The following STEAP1B variants were observed in gnomAD, a reference collection of about 807,000 sequenced individuals.
The protein encoded by STEAP1B is STEAP family protein MGC87042.
STEAP1B carries 13 observed loss-of-function variants against 27.9 expected under a neutral mutation model. That is an observed-to-expected ratio of 0.47 (90% CI 0.30 to 0.74). The LOEUF (loss-of-function observed/expected upper bound fraction) is 0.74, where lower values mean the gene tolerates loss of function less well. Among genes scored for constraint, STEAP1B ranks in the 30% least tolerant of loss-of-function variants. The probability of loss-of-function intolerance (pLI) is 0.06; values close to 1 mark genes in which losing one functional copy is unlikely to be tolerated. For synonymous variants in STEAP1B, 86 were observed against 107.1 expected, an observed-to-expected ratio of 0.80 and a Z score of 1.22; for missense variants, 250 against 298.7, an observed-to-expected ratio of 0.84 and a Z score of 1.20.
intron 4 of STEAP1B, among the ~76,000 whole-genome samples, chr7:22,440,081 A>T (rs1583632529): frequency 6.6e-6 from 1 of 152,190 alleles, no homozygotes; most frequent in East Asian, 1.9e-4. Context: ...TTGATAAATT[A>T]TTCAATAAAT....
At chr7:22,432,010 C>T (rs1377357019) in intron 4 of STEAP1B, among the ~76,000 whole-genome samples, 2 of 152,168 alleles carry the variant, frequency 1.3e-5, no homozygotes, top group African/African-American at 2.4e-5. Flanking sequence ...GAAATCTTCA[C>T]CTCCAAGGCG....
intron 4 of STEAP1B, among the ~76,000 whole-genome samples, chr7:22,466,721 C>T (rs763913458): frequency 2.6e-5 from 4 of 152,182 alleles, no homozygotes; most frequent in Non-Finnish European, 5.9e-5. Flanking sequence ...TCCAGGGAAG[C>T]AAAACATGAT....
intron 4 of STEAP1B, among the ~76,000 whole-genome samples, chr7:22,489,913 A>G (rs1301423250): frequency 7.2e-5 from 11 of 152,166 alleles, no homozygotes; most frequent in Non-Finnish European, 1.6e-4. Context: ...TTTTATAATC[A>G]GGAAAAAAGC....
chr7:22,456,972 A>ATATATATTTTTTTTTTTTTTT lies in STEAP1B; in HGVS notation c.762+35592_762+35593insAAAAAAAAAAAAAAATATATA. Among the ~76,000 whole-genome samples, 14 of 57,044 alleles carry ATATATATTTTTTTTTTTTTTT rather than the reference A, an allele frequency of 2.5e-4. No individual in the cohort carries two copies. In the East Asian group the frequency reaches 0.012, roughly 47 times the overall value. The allele number at this position is 57,044 out of a possible 152,430, so 37.4% of individuals were successfully genotyped here. A position where few individuals can be genotyped will look rare whatever the true frequency, so the allele number is the denominator to read the frequency against. ...GGCAGCTATATATATATATATATAT[A>ATATATATTTTTTTTTTTTTTT]TTTTTTTTTTTTTTAAGTATCCTGG... On this transcript the variant is annotated intron_variant, in intron 4 of 4. Coordinates refer to ENST00000678116, the MANE Select transcript of STEAP1B (RefSeq NM_001382447.1).
In STEAP1B at chr7:22,456,970, ATATTT is replaced by A. The variant is rs974034033; in HGVS notation, c.762+35590_762+35594del. ...TAGGCAGCTATATATATATATATAT[ATATTT>A]TTTTTTTTTTTAAGTATCCTGGGTG... On this transcript the variant is annotated intron_variant, in intron 4 of 4. Coordinates refer to ENST00000678116, the MANE Select transcript of STEAP1B (RefSeq NM_001382447.1). Among the ~76,000 whole-genome samples, 60 of 26,176 alleles carry A rather than the reference ATATTT, an allele frequency of 2.3e-3. 3 individuals carry two copies. The highest frequency in any genetic ancestry group is 5.2e-3 in the African/African-American group (48 of 9,282). The allele number at this position is 26,176 out of a possible 152,430, so 17.2% of individuals were successfully genotyped here. A position where few individuals can be genotyped will look rare whatever the true frequency, so the allele number is the denominator to read the frequency against.
At chr7:22,454,480 C>G (rs1785540142) in intron 4 of STEAP1B, among the ~76,000 whole-genome samples, 1 of 152,104 alleles carries the variant, frequency 6.6e-6, no homozygotes, top group African/African-American at 2.4e-5. Context: ...GTACCTGAGA[C>G]ACTTACTACA....
intron 1 of STEAP1B, among the ~76,000 whole-genome samples, chr7:22,497,465 CCT>C (rs1491381642): frequency 6.6e-6 from 1 of 152,076 alleles, no homozygotes; most frequent in East Asian, 1.9e-4. Context: ...CAACACATTC[CCT>C]TTTTTTTTGG....
chr7:22,454,210 G>C (rs2128405441), intron 4 of STEAP1B, among the ~76,000 whole-genome samples: 1 of 152,282 alleles, frequency 6.6e-6, no homozygotes, highest in Non-Finnish European at 1.5e-5. Flanking sequence ...ACCAGCCCTA[G>C]GGATGAGAGA....
At chr7:22,453,135 C>T (rs1785517709) in intron 4 of STEAP1B, among the ~76,000 whole-genome samples, 1 of 152,166 alleles carries the variant, frequency 6.6e-6, no homozygotes, top group Admixed American at 6.5e-5. Flanking sequence ...TCAGTGCCAA[C>T]CAACTGCGAC....
At chr7:22,421,616 G>C (rs911460664) in intron 4 of STEAP1B, among the ~76,000 whole-genome samples, 1 of 152,162 alleles carries the variant, frequency 6.6e-6, no homozygotes, top group African/African-American at 2.4e-5. Context: ...TTTACTTTTT[G>C]GCCTCAAGGA....
At chr7:22,498,000 T>C (rs541744852) in intron 1 of STEAP1B, among the ~76,000 whole-genome samples, 159 of 152,304 alleles carry the variant, frequency 1.0e-3, no homozygotes, top group African/African-American at 3.6e-3. Context: ...AGGCAATAGT[T>C]AGATTCTCAT....
chr7:22,478,848 C>T (rs962178838), intron 4 of STEAP1B, among the ~76,000 whole-genome samples: 5 of 152,106 alleles, frequency 3.3e-5, no homozygotes, highest in Admixed American at 2.0e-4. Flanking sequence ...CCACTGTGTT[C>T]CCTTACCTCA....
At chr7:22,445,639 C>T (rs1420626223) in intron 4 of STEAP1B, among the ~76,000 whole-genome samples, 1 of 152,240 alleles carries the variant, frequency 6.6e-6, no homozygotes, top group Admixed American at 6.5e-5. Flanking sequence ...GGGATTTGGT[C>T]GACCTTTTCC....
intron 4 of STEAP1B, among the ~76,000 whole-genome samples, chr7:22,447,758 C>A (rs41472845): frequency 0.038 from 5,726 of 152,288 alleles, 354 homozygotes; most frequent in African/African-American, 0.13. Context: ...TGACCAGCAT[C>A]CCTTAGGACA....
chr7:22,488,898 C>T (rs765170260), intron 4 of STEAP1B, among the ~76,000 whole-genome samples: 8 of 152,194 alleles, frequency 5.3e-5, no homozygotes, highest in Non-Finnish European at 1.2e-4. Flanking sequence ...GGTCTTACAT[C>T]TTGCCACGGA....
intron 4 of STEAP1B, among the ~76,000 whole-genome samples, chr7:22,435,871 G>C (rs12113981): frequency 0.041 from 6,252 of 152,216 alleles, 253 homozygotes; most frequent in African/African-American, 0.086. Context: ...TCCTTTATCA[G>C]CTCCACCCTA....
At chr7:22,482,372 C>T (rs963349966) in intron 4 of STEAP1B, among the ~76,000 whole-genome samples, 1 of 152,102 alleles carries the variant, frequency 6.6e-6, no homozygotes, top group Non-Finnish European at 1.5e-5. Context: ...ACAAGTATGG[C>T]CTAAGTTGTT....
At position 22,435,813 on chromosome 7, in the gene STEAP1B, A is replaced by G. The variant is rs80354571; in HGVS notation, c.763-15977T>C. On this transcript the variant is annotated intron_variant, in intron 4 of 4. Coordinates refer to ENST00000678116, the MANE Select transcript of STEAP1B (RefSeq NM_001382447.1). ...CTTCATGGAGACCAGCAGGTGTGATATAAGACTCAATTCAAGTTAGCCTGG... is the reference window on the plus strand; with the variant it reads ...CTTCATGGAGACCAGCAGGTGTGATGTAAGACTCAATTCAAGTTAGCCTGG... 2.0e-5 allele frequency among the ~76,000 whole-genome samples: 3 copies of G among 152,326 alleles called. No homozygotes were observed. In the East Asian group the frequency reaches 5.8e-4, roughly 29 times the overall value.
At chr7:22,463,885 C>A (rs1785724391) in intron 4 of STEAP1B, among the ~76,000 whole-genome samples, 1 of 151,498 alleles carries the variant, frequency 6.6e-6, no homozygotes, top group South Asian at 2.1e-4. Flanking sequence ...CCATTCAGGA[C>A]ATAGGCATGG....
Sources: gnomAD v4.1 joint callset for allele counts (sites outside exome capture counted in the v4.1 genomes callset) on GRCh38, gnomAD v4.1.1 for gene constraint, MANE v1.5 for transcripts, NCBI Gene and HGNC (gene_info 2026-07-23, HGNC 2026-07-21) for gene names.